The following CORO1C variants were observed in gnomAD, a reference collection of about 807,000 sequenced individuals.
The protein encoded by CORO1C is coronin 1C.
Under a neutral mutation model 51.2 loss-of-function variants are expected in CORO1C, and 14 were observed. That is an observed-to-expected ratio of 0.27 (90% confidence interval 0.18 to 0.43). CORO1C has a LOEUF of 0.43. Among genes scored for constraint, CORO1C ranks in the 20% least tolerant of loss-of-function variants. The probability of loss-of-function intolerance (pLI) is 1.00; values close to 1 mark genes in which losing one functional copy is unlikely to be tolerated. For synonymous variants in CORO1C, 181 were observed against 210.5 expected, an observed-to-expected ratio of 0.86 and a Z score of 1.21; for missense variants, 417 against 607.8, an observed-to-expected ratio of 0.69 and a Z score of 3.30.
chr12:108,658,827 T>G lies in CORO1C; in HGVS notation c.541A>C (p.Ser181Arg). 1.2e-6 allele frequency: 2 copies of G among 1,614,042 alleles called. No individual in the cohort carries two copies. The highest frequency in any genetic ancestry group is 8.5e-7 in the Non-Finnish European group (1 of 1,179,866). ...DMHSDMIYNV[S>R]WNRNGSLICT... ...ATCAGACTGCCATTCCGGTTCCAGCTCACATTGTAAATCATGTCTGAATGC... is the reference window on the plus strand; with the variant it reads ...ATCAGACTGCCATTCCGGTTCCAGCGCACATTGTAAATCATGTCTGAATGC... The change falls in exon 5 of 11, where the codon AGC becomes CGC. Residue 181 changes from serine to arginine, a missense_variant. Physicochemically the swap from Ser to Arg is moderately radical, Grantham distance 110 (BLOSUM62 -1). Coordinates refer to ENST00000261401, the MANE Select transcript of CORO1C (RefSeq NM_014325.4). This position sits in a 1 kb window ranked among gnomAD's most constrained non-coding sequence, Gnocchi z 4.9.
intron 1 of CORO1C, among the ~76,000 whole-genome samples, chr12:108,710,122 G>GC (rs2035136943): frequency 6.6e-6 from 1 of 152,130 alleles, no homozygotes; most frequent in Admixed American, 6.5e-5. Context: ...CAATACAACA[G>GC]CAACTATTCT....
intron 2 of CORO1C, among the ~76,000 whole-genome samples, chr12:108,699,162 G>C (rs945396710): frequency 2.0e-5 from 3 of 152,292 alleles, no homozygotes; most frequent in Non-Finnish European, 4.4e-5. Flanking sequence ...CATAATGCTG[G>C]TTAAAGAATG....
chr12:108,664,532 T>G (rs2033400292), intron 3 of CORO1C, among the ~76,000 whole-genome samples: 1 of 152,120 alleles, frequency 6.6e-6, no homozygotes, highest in South Asian at 2.1e-4. Flanking sequence ...AAACCTGCAT[T>G]TTGAGGGCCC....
At chr12:108,650,232 A>G (rs1342885319) in intron 8 of CORO1C, among the ~76,000 whole-genome samples, 1 of 110,462 alleles carries the variant, frequency 9.1e-6, no homozygotes, top group Non-Finnish European at 1.7e-5. Flanking sequence ...TCCATCGCCC[A>G]GGCTGGAGTG....
Position 108,658,659 on chromosome 12 carries a change from GCTGC to G in CORO1C, c.630+75_630+78del. On this transcript the variant is annotated intron_variant, in intron 5 of 10. Transcript: ENST00000261401. This position sits in a 1 kb window ranked among gnomAD's most constrained non-coding sequence, Gnocchi z 4.9. ...CAACAGGGTCCCACTGACCAGTACC[GCTGC>G]CTGCCTTAAAAAGCAGAAAGCTCAC... 2.7e-6 allele frequency: 4 copies of G among 1,459,844 alleles called. No homozygotes were observed. Among genetic ancestry groups the G allele is most frequent in the Non-Finnish European group, 3.8e-6 (4 of 1,056,024 alleles). The allele number at this position is 1,459,844 out of a possible 1,614,324, so 90.4% of individuals were successfully genotyped here.
At chr12:108,696,816 T>C (rs1360196041) in intron 2 of CORO1C, among the ~76,000 whole-genome samples, 2 of 152,218 alleles carry the variant, frequency 1.3e-5, no homozygotes, top group African/African-American at 4.8e-5. Context: ...GAATCACGTG[T>C]GCTAATCTAA....
At chr12:108,693,719 T>C (rs1455725057) in intron 2 of CORO1C, among the ~76,000 whole-genome samples, 1 of 152,226 alleles carries the variant, frequency 6.6e-6, no homozygotes, top group East Asian at 1.9e-4. Context: ...TCCTGGAGTC[T>C]GAAGGAGGAA....
In CORO1C at chr12:108,731,470, T is replaced by G. The variant is rs1328089489; in HGVS notation, c.-47A>C. On this transcript the variant is annotated 5_prime_UTR_variant, in exon 1 of 11. Transcript: ENST00000261401. The surrounding 1 kb of genome is among the most constrained non-coding windows in gnomAD (Gnocchi z 5.2). ...GAGGCGCCGCCGCCGAAGTCCCCGCTGCAAAGCCGGGCGAAGCCTCCAACC... is the reference window on the plus strand; with the variant it reads ...GAGGCGCCGCCGCCGAAGTCCCCGCGGCAAAGCCGGGCGAAGCCTCCAACC... The G allele has an allele frequency of 2.0e-5, 3 of 152,288 alleles. No individual in the cohort carries two copies. The highest frequency in any genetic ancestry group is 7.2e-5 in the African/African-American group (3 of 41,386). 9.4% of individuals were successfully genotyped at this position (152,288 alleles called of 1,614,324 possible). A position where few individuals can be genotyped will look rare whatever the true frequency, so the allele number is the denominator to read the frequency against.
chr12:108,659,068 CA>C, intron 4 of CORO1C, 149 bp from the exon 5 acceptor site: 1 of 800,924 alleles, frequency 1.2e-6, no homozygotes, highest in Non-Finnish European at 1.8e-6. Context: ...GGCTGATTGT[CA>C]GAGGCCCTAC....
chr12:108,711,488 T>G (rs937545107), intron 1 of CORO1C, among the ~76,000 whole-genome samples: 2 of 152,140 alleles, frequency 1.3e-5, no homozygotes, highest in African/African-American at 4.8e-5. Flanking sequence ...GAGACCAGAC[T>G]GGCCAACATG....
chr12:108,697,183 TG>T (rs1220604721), intron 2 of CORO1C, among the ~76,000 whole-genome samples: 2 of 152,216 alleles, frequency 1.3e-5, no homozygotes, highest in Non-Finnish European at 2.9e-5. Flanking sequence ...AAGAAATTCA[TG>T]GAAAACCATG....
intron 3 of CORO1C, among the ~76,000 whole-genome samples, chr12:108,666,031 G>T (rs1365015125): frequency 1.3e-5 from 2 of 152,216 alleles, no homozygotes; most frequent in African/African-American, 4.8e-5. Context: ...TAAGCCGACC[G>T]CACTACTACG....
chr12:108,719,735 CA>C (rs1565939856), intron 1 of CORO1C, among the ~76,000 whole-genome samples: 3 of 152,150 alleles, frequency 2.0e-5, no homozygotes, highest in African/African-American at 4.8e-5. Context: ...ATGAGAAACT[CA>C]AAAAGAGAAA....
intron 2 of CORO1C, among the ~76,000 whole-genome samples, chr12:108,695,877 A>T (rs1044912803): frequency 6.7e-6 from 1 of 149,016 alleles, no homozygotes; most frequent in East Asian, 2.0e-4. Context: ...AAAAAAAAAC[A>T]GTCTTTCAAA....
intron 1 of CORO1C, among the ~76,000 whole-genome samples, chr12:108,702,514 A>C (rs760449867): frequency 6.6e-6 from 1 of 152,168 alleles, no homozygotes; most frequent in African/African-American, 2.4e-5. Flanking sequence ...ACTGCACCCA[A>C]TGTAATTTTC....
At chr12:108,688,759 G>A (rs2034390905) in intron 2 of CORO1C, among the ~76,000 whole-genome samples, 1 of 152,112 alleles carries the variant, frequency 6.6e-6, no homozygotes, top group Admixed American at 6.6e-5. Flanking sequence ...ATACAGGCCG[G>A]GCACGGTGGC....
At chr12:108,689,009 C>T (rs976666659) in intron 2 of CORO1C, among the ~76,000 whole-genome samples, 9 of 141,408 alleles carry the variant, frequency 6.4e-5, no homozygotes, top group African/African-American at 1.9e-4. Flanking sequence ...CCAGCCTGGG[C>T]GACAGAATGA....
At chr12:108,655,038 A>G (rs183447834) in intron 6 of CORO1C, among the ~76,000 whole-genome samples, 216 of 152,212 alleles carry the variant, frequency 1.4e-3, no homozygotes, top group African/African-American at 5.0e-3. Flanking sequence ...CTTTAATTAT[A>G]AAATATGTGT....
At chr12:108,667,646 G>A (rs956342900) in intron 3 of CORO1C, among the ~76,000 whole-genome samples, 5 of 152,316 alleles carry the variant, frequency 3.3e-5, no homozygotes, top group Admixed American at 2.6e-4. Context: ...GCATAAGGAA[G>A]TGAGGCTCGG....
Sources: allele counts gnomAD v4.1 joint callset (sites outside exome capture counted in the v4.1 genomes callset), GRCh38; gene constraint gnomAD v4.1.1; non-coding constraint Gnocchi (gnomAD v3.1); transcripts MANE v1.5; gene names NCBI Gene and HGNC (gene_info 2026-07-23, HGNC 2026-07-21).